ZNF541: variants seen among roughly 807,000 people sequenced by gnomAD.
ZNF541 encodes zinc finger protein 541.
Under a neutral mutation model 123.5 loss-of-function variants are expected in ZNF541, and 23 were observed. The observed-to-expected ratio is 0.19, with a 90% CI of 0.13 to 0.26. The LOEUF is 0.26. Ranked by LOEUF, ZNF541 falls within the 10% of genes least tolerant of loss-of-function variation. The pLI is 1.00. For missense variants in ZNF541, 1,612 were observed against 1,789.9 expected (o/e 0.90, Z 1.79); for synonymous variants, 751 against 754.5 (o/e 1.00, Z 0.08).
At position 47,544,487 on chromosome 19, in the gene ZNF541, C is replaced by A. The variant is rs1416100311; in HGVS notation, c.2042G>T (p.Arg681Leu). Residue 681 changes from arginine to leucine, a missense_variant, in exon 5 of 17, where the codon CGA becomes CTA. Physicochemically the swap from Arg to Leu is moderately radical, Grantham distance 102. Transcript: ENST00000391901. ...CAGGTCCAAGGTCCCTTTAGAGGAT[C>A]GCAGCTGCTTGGCCAGAGAAGAGAT... Reference protein sequence around the residue: ...PDISSLAKQLRSSKGTLDLED... With the variant: ...PDISSLAKQLLSSKGTLDLED... 6.4e-7 allele frequency: 1 copy of A among 1,551,562 alleles called. No homozygotes were observed. Among genetic ancestry groups the A allele is most frequent in the East Asian group, 2.4e-5 (1 of 40,918 alleles).
chr19:47,546,413 G>C (rs1349436513), intron 4 of ZNF541, among the ~76,000 whole-genome samples: 1 of 152,022 alleles, frequency 6.6e-6, no homozygotes, highest in Non-Finnish European at 1.5e-5. Flanking sequence ...GGAAGCTGAG[G>C]CAAGAGAATC....
At chr19:47,527,159 GCTGA>G (rs1184577591) in intron 14 of ZNF541, among the ~76,000 whole-genome samples, 1 of 152,196 alleles carries the variant, frequency 6.6e-6, no homozygotes, top group African/African-American at 2.4e-5. Flanking sequence ...GCAGATCAGT[GCTGA>G]CTGAGGACAG....
chr19:47,571,859 A>C (rs73557430), intron 2 of ZNF541, among the ~76,000 whole-genome samples, 37 bp downstream of exon 2: 1 of 152,178 alleles, frequency 6.6e-6, no homozygotes, highest in Admixed American at 6.6e-5. Flanking sequence ...CCAACAAAGC[A>C]GGTGTCTTTG....
chr19:47,555,118 C>A (rs903159626), intron 3 of ZNF541, among the ~76,000 whole-genome samples: 1 of 151,540 alleles, frequency 6.6e-6, no homozygotes, highest in Non-Finnish European at 1.5e-5. Flanking sequence ...GCCTGTAATC[C>A]CAGCACTTTG....
At chr19:47,564,378 C>T (rs1209334870) in intron 2 of ZNF541, among the ~76,000 whole-genome samples, 1 of 152,204 alleles carries the variant, frequency 6.6e-6, no homozygotes. Context: ...CGATACTGAG[C>T]TTCCTTTTAT....
intron 4 of ZNF541, among the ~76,000 whole-genome samples, chr19:47,548,373 G>T (rs1970449449): frequency 6.8e-6 from 1 of 146,690 alleles, no homozygotes; most frequent in East Asian, 2.0e-4. Flanking sequence ...AACCTGGGAG[G>T]TGAAGGTTGT....
At chr19:47,556,876 G>C (rs1475900048) in intron 2 of ZNF541, among the ~76,000 whole-genome samples, 2 of 151,260 alleles carry the variant, frequency 1.3e-5, no homozygotes, top group Non-Finnish European at 2.9e-5. Context: ...TACTGCCTGA[G>C]CATCCCAAGT....
At position 47,545,353 on chromosome 19, in the gene ZNF541, G is replaced by A. The variant is rs2123149436; in HGVS notation, c.1176C>T (p.Ala392=). The part of the protein sequence containing the change: ...ECWPEGGSVP[A]CLPLFRGQTV... Reference sequence around the variant, plus strand: ...TCTGGCCTCGGAAGAGAGGCAGGCAGGCAGGCACGGAGCCGCCTTCGGGCC... The same window carrying A: ...TCTGGCCTCGGAAGAGAGGCAGGCAAGCAGGCACGGAGCCGCCTTCGGGCC... The change falls in exon 5 of 17, where the codon GCC becomes GCT. Residue 392 remains alanine, a synonymous_variant. Coordinates refer to ENST00000391901, the MANE Select transcript of ZNF541 (RefSeq NM_001277075.3). This position sits in a 1 kb window ranked among gnomAD's most constrained non-coding sequence, Gnocchi z 7.5. The A allele has an allele frequency of 6.5e-7, 1 of 1,544,154 alleles. No individual in the cohort carries two copies. Among genetic ancestry groups the A allele is most frequent in the African/African-American group, 1.4e-5 (1 of 73,020 alleles).
intron 3 of ZNF541, among the ~76,000 whole-genome samples, chr19:47,552,511 T>G (rs1475827340): frequency 1.3e-5 from 2 of 152,030 alleles, no homozygotes; most frequent in Non-Finnish European, 2.9e-5. Flanking sequence ...TTAGCCTTAC[T>G]CAGTCACTTA....
At position 47,539,781 on chromosome 19, in the gene ZNF541, G is replaced by A. The variant is rs1459990021; in HGVS notation, c.2720C>T (p.Thr907Ile). ...GGGGACCACCAAAGGGGCTGCAGCTGTGGGGTCCAAGGGCTTCTTGGTTCC... is the reference window on the plus strand; with the variant it reads ...GGGGACCACCAAAGGGGCTGCAGCTATGGGGTCCAAGGGCTTCTTGGTTCC... ...PPGTKKPLDP[T>I]AAAPLVVPQS... The change falls in exon 8 of 17, where the codon ACA becomes ATA. Residue 907 changes from threonine (T) to isoleucine (I), a missense_variant. By Grantham distance (89) the Thr-to-Ile change is moderately conservative (BLOSUM62 -1). Around this residue, in one of 5 missense-constraint regions of ZNF541, gnomAD observed 1,080 missense variants for 1,013.8 expected, o/e 1.07. Transcript: ENST00000391901. The A allele has an allele frequency of 1.4e-6, 2 of 1,479,674 alleles. No individual in the cohort carries two copies. Among genetic ancestry groups the A allele is most frequent in the East Asian group, 5.6e-5 (2 of 35,822 alleles). The allele number at this position is 1,479,674 out of a possible 1,614,324, so 91.7% of individuals were successfully genotyped here. A position where few individuals can be genotyped will look rare whatever the true frequency, so the allele number is the denominator to read the frequency against.
At chr19:47,532,847 A>G in intron 10 of ZNF541, 62 bp downstream of exon 10, 1 of 1,500,614 alleles carries the variant, frequency 6.7e-7, no homozygotes, top group East Asian at 2.5e-5. Context: ...AACCCTTGGG[A>G]AAAGTGACAC....
In ZNF541 at chr19:47,545,449, G is replaced by A. The variant is rs1970302324; in HGVS notation, c.1080C>T (p.Asn360=). The change falls in exon 5 of 17, where the codon AAC becomes AAT. Residue 360 remains asparagine, a synonymous_variant. Transcript: ENST00000391901. The surrounding 1 kb of genome is among the most constrained non-coding windows in gnomAD (Gnocchi z 7.5). The part of the protein sequence containing the change: ...FTAPNSRAAE[N]GAPDPPEPEP... The stretch of plus-strand genomic sequence containing the variant: ...CCGGCTCTGGCGGGTCGGGGGCGCC[G>A]TTCTCGGCGGCCCTGGAATTAGGGG... The A allele has an allele frequency of 6.8e-7, 1 of 1,475,128 alleles. No homozygotes were observed. Among genetic ancestry groups the A allele is most frequent in the Non-Finnish European group, 9.0e-7 (1 of 1,110,716 alleles). The allele number at this position is 1,475,128 out of a possible 1,614,324, so 91.4% of individuals were successfully genotyped here.
Position 47,545,533 on chromosome 19 carries a change from G to C in ZNF541, c.996C>G (p.Thr332=). 1 of 1,520,916 alleles carries C rather than the reference G, an allele frequency of 6.6e-7. No individual in the cohort carries two copies. The highest frequency in any genetic ancestry group is 1.2e-5 in the South Asian group (1 of 80,470). The allele number at this position is 1,520,916 out of a possible 1,614,324, so 94.2% of individuals were successfully genotyped here. A position where few individuals can be genotyped will look rare whatever the true frequency, so the allele number is the denominator to read the frequency against. The change falls in exon 5 of 17, where the codon ACC becomes ACG. Residue 332 remains threonine, a synonymous_variant. Coordinates refer to ENST00000391901, the MANE Select transcript of ZNF541 (RefSeq NM_001277075.3). The surrounding 1 kb of genome is among the most constrained non-coding windows in gnomAD (Gnocchi z 7.5). ...GPHAAPAALD[T]ELPEEPCLPQ... Reference sequence around the variant, plus strand: ...GGAGGCAAGGCTCCTCGGGAAGCTCGGTGTCCAGCGCTGCTGGGGCCGCGT... The same window carrying C: ...GGAGGCAAGGCTCCTCGGGAAGCTCCGTGTCCAGCGCTGCTGGGGCCGCGT...
Position 47,538,393 on chromosome 19 carries a change from T to G in ZNF541, c.2843A>C (p.Gln948Pro). ...GEERDSKESS[Q>P]QRKRKKRPPP... ...GGGCCGCTTCTTCCGCTTTCTCTGC[T>G]GGCTGCTCTCCTTGCTGTCTCGCTC... Residue 948 changes from glutamine (Q) to proline (P), a missense_variant, in exon 9 of 17, where the codon CAG becomes CCG. Around this residue, in one of 5 missense-constraint regions of ZNF541, gnomAD observed 1,080 missense variants for 1,013.8 expected, o/e 1.07. Transcript: ENST00000391901. 6.5e-6 allele frequency: 10 copies of G among 1,543,708 alleles called. No individual in the cohort carries two copies. Among genetic ancestry groups the G allele is most frequent in the Non-Finnish European group, 8.7e-6 (10 of 1,142,924 alleles).
chr19:47,561,838 A>AG (rs752787700), intron 2 of ZNF541, among the ~76,000 whole-genome samples: 3 of 152,210 alleles, frequency 2.0e-5, no homozygotes, highest in Non-Finnish European at 2.9e-5. Context: ...AAAATAGCTT[A>AG]GAAAAGCCAC....
At chr19:47,540,066 C>A in intron 7 of ZNF541, 110 bp downstream of exon 7, 1 of 1,444,260 alleles carries the variant, frequency 6.9e-7, no homozygotes, top group Non-Finnish European at 9.2e-7. Flanking sequence ...CTCCAGCCCC[C>A]GACCCAGAGT....
intron 2 of ZNF541, among the ~76,000 whole-genome samples, chr19:47,565,335 AG>A (rs1971221384): frequency 6.6e-6 from 1 of 152,198 alleles, no homozygotes; most frequent in South Asian, 2.1e-4. Flanking sequence ...AAAAAAGAAA[AG>A]AAAAACCCAG....
rs1454936720 is a variant in ZNF541, at chr19:47,545,647, C to T, written c.882G>A (p.Pro294=). The change falls in exon 5 of 17, where the codon CCG becomes CCA. Residue 294 remains proline (P), a synonymous_variant. Transcript: ENST00000391901. This position sits in a 1 kb window ranked among gnomAD's most constrained non-coding sequence, Gnocchi z 7.5. ...HQKTPSPGPA[P]AGASDSEGRN... is the part of the protein sequence containing the mutation. ...TCCCTTCGCTGTCTGAAGCCCCCGC[C>T]GGGGCTGGGCCAGGAGAAGGGGTCT... 1 of 1,549,768 alleles carries T rather than the reference C, an allele frequency of 6.5e-7. No individual in the cohort carries two copies. Among genetic ancestry groups the T allele is most frequent in the African/African-American group, 1.4e-5 (1 of 73,002 alleles).
At chr19:47,524,622 C>T (rs886741027) in intron 14 of ZNF541, among the ~76,000 whole-genome samples, 7 of 150,966 alleles carry the variant, frequency 4.6e-5, no homozygotes, top group Non-Finnish European at 1.0e-4. Flanking sequence ...GCAGCAGAAT[C>T]GCTTGAACCC....
Sources: gnomAD v4.1 joint callset for allele counts (sites outside exome capture counted in the v4.1 genomes callset) on GRCh38, gnomAD v4.1.1 for gene constraint, gnomAD v4.1.1 regional missense constraint, Gnocchi (gnomAD v3.1) non-coding constraint, MANE v1.5 for transcripts, NCBI Gene and HGNC (gene_info 2026-07-23, HGNC 2026-07-21) for gene names.